NME7: variants seen among roughly 807,000 people sequenced by gnomAD.
NME7 encodes nucleoside diphosphate kinase 7.
A neutral mutation model predicts 49.1 loss-of-function variants in NME7; 41 were observed. That is an observed-to-expected ratio of 0.83 (90% confidence interval 0.65 to 1.08). The LOEUF is 1.08. Among genes scored for constraint, NME7 ranks in the 50% least tolerant of loss-of-function variants. The pLI is 0.00. For synonymous variants in NME7, 139 were observed against 150.6 expected, an observed-to-expected ratio of 0.92 and a Z score of 0.56; for missense variants, 423 against 463.4, an observed-to-expected ratio of 0.91 and a Z score of 0.80.
chr1:169,296,745 T>A (rs1650723789), intron 6 of NME7, among the ~76,000 whole-genome samples: 1 of 140,144 alleles, frequency 7.1e-6, no homozygotes, highest in East Asian at 1.9e-4. Flanking sequence ...ATCCTTCTGA[T>A]AATCAGGCTA....
chr1:169,151,194 G>A (rs1027531763), intron 11 of NME7, among the ~76,000 whole-genome samples: 6 of 152,142 alleles, frequency 3.9e-5, no homozygotes, highest in Non-Finnish European at 7.3e-5. Flanking sequence ...TGCTCTAGGC[G>A]GGAAGGCAGA....
intron 7 of NME7, among the ~76,000 whole-genome samples, chr1:169,281,062 G>A (rs563291367): frequency 7.9e-5 from 12 of 152,064 alleles, no homozygotes; most frequent in South Asian, 4.2e-4. Flanking sequence ...GGCCATTTTC[G>A]TGATACTGAT....
At chr1:169,258,990 G>A (rs1649074049) in intron 7 of NME7, among the ~76,000 whole-genome samples, 2 of 133,486 alleles carry the variant, frequency 1.5e-5, no homozygotes, top group South Asian at 2.3e-4. Flanking sequence ...CCATTACTGC[G>A]AGTAAGGTCT....
At chr1:169,195,989 G>T (rs1258052514) in intron 10 of NME7, among the ~76,000 whole-genome samples, 3 of 152,152 alleles carry the variant, frequency 2.0e-5, no homozygotes, top group Non-Finnish European at 4.4e-5. Flanking sequence ...ATAAATGTGG[G>T]TGGGAAAAGG....
intron 1 of NME7, among the ~76,000 whole-genome samples, chr1:169,336,649 G>C (rs892033659): frequency 6.6e-6 from 1 of 151,342 alleles, no homozygotes; most frequent in African/African-American, 2.4e-5. Flanking sequence ...TAGATACAGA[G>C]TGCCGACTGG....
intron 10 of NME7, among the ~76,000 whole-genome samples, chr1:169,175,409 A>G (rs1659723277): frequency 4.6e-5 from 7 of 152,204 alleles, no homozygotes; most frequent in Admixed American, 4.6e-4. Flanking sequence ...TAAAAAGTAT[A>G]GTAAATATGT....
At chr1:169,160,715 T>C (rs552736665) in intron 11 of NME7, among the ~76,000 whole-genome samples, 1 of 152,212 alleles carries the variant, frequency 6.6e-6, no homozygotes, top group African/African-American at 2.4e-5. Context: ...ATTAAACTTA[T>C]GAAAAAACTT....
chr1:169,355,072 GATATAATATATAA>G lies in NME7; in HGVS notation c.3+12623_3+12635del, dbSNP rs1557837312. 2.3e-4 allele frequency among the ~76,000 whole-genome samples: 12 copies of G among 52,682 alleles called. 1 individual carries two copies. The highest frequency in any genetic ancestry group is 9.4e-4 in the African/African-American group (12 of 12,814). 34.6% of individuals were successfully genotyped at this position (52,682 alleles called of 152,430 possible). ...AATATATAATATACTATATATTATA[GATATAATATATAA>G]TATACTATATATTATAGATATAATA... On this transcript the variant is annotated intron_variant, in intron 1 of 11. Transcript: ENST00000367811.
intron 11 of NME7, among the ~76,000 whole-genome samples, chr1:169,160,033 T>A (rs12744341): frequency 5.3e-5 from 8 of 152,044 alleles, no homozygotes; most frequent in African/African-American, 1.7e-4. Context: ...CACTCCACAC[T>A]GGCTACCTCC....
intron 1 of NME7, among the ~76,000 whole-genome samples, chr1:169,338,026 G>C (rs945930749): frequency 1.3e-5 from 2 of 152,130 alleles, no homozygotes; most frequent in African/African-American, 4.8e-5. Context: ...GGGTCTTCAC[G>C]TGTGAAGAAT....
chr1:169,324,510 A>C lies in NME7; in HGVS notation c.4-10T>G. 6.5e-7 allele frequency: 1 copy of C among 1,535,820 alleles called. No homozygotes were observed. Among genetic ancestry groups the C allele is most frequent in the Non-Finnish European group, 9.0e-7 (1 of 1,110,208 alleles). On this transcript the variant is annotated splice_polypyrimidine_tract_variant and intron_variant, in intron 1 of 11. Coordinates refer to ENST00000367811, the MANE Select transcript of NME7 (RefSeq NM_013330.5). The stretch of plus-strand genomic sequence containing the variant: ...ATCTTTCACTATGATTCTGCAAAGA[A>C]AGACAGAAGAATTTTAACACTAACA...
chr1:169,333,702 C>T (rs566687235), intron 1 of NME7, among the ~76,000 whole-genome samples: 40 of 152,156 alleles, frequency 2.6e-4, no homozygotes, highest in African/African-American at 5.3e-4. Flanking sequence ...GAGGTGAACC[C>T]AGGCAGCTTG....
In NME7 at chr1:169,258,399, T is replaced by TACACAC. The variant is rs1432435705; in HGVS notation, c.755-20713_755-20712insGTGTGT. On this transcript the variant is annotated intron_variant, in intron 7 of 11. Transcript: ENST00000367811. The stretch of plus-strand genomic sequence containing the variant: ...ACATATATATATATATATATATATA[T>TACACAC]ATATATACACACACACACACACACA... 2.9e-3 allele frequency among the ~76,000 whole-genome samples: 201 copies of TACACAC among 68,590 alleles called. 6 individuals are homozygous for TACACAC. Among genetic ancestry groups the TACACAC allele is most frequent in the African/African-American group, 0.011 (194 of 18,396 alleles). The allele number at this position is 68,590 out of a possible 152,430, so 45.0% of individuals were successfully genotyped here.
chr1:169,307,638 T>C (rs1401217169), intron 4 of NME7, among the ~76,000 whole-genome samples: 1 of 152,174 alleles, frequency 6.6e-6, no homozygotes, highest in Non-Finnish European at 1.5e-5. Context: ...CACAGGAAGT[T>C]AGATACCAAG....
intron 1 of NME7, among the ~76,000 whole-genome samples, chr1:169,347,499 G>A (rs1303438113): frequency 6.6e-6 from 1 of 152,140 alleles, no homozygotes; most frequent in Non-Finnish European, 1.5e-5. Context: ...CAGTGGGATG[G>A]CATCCTGTGG....
intron 4 of NME7, 123 bp from the exon 5 acceptor site, chr1:169,303,318 T>C (rs886473141): frequency 4.8e-6 from 2 of 420,414 alleles, no homozygotes; most frequent in Non-Finnish European, 8.2e-6. Flanking sequence ...TTTTAATTAA[T>C]AATTTTTCAC....
At chr1:169,354,792 C>T (rs1205434672) in intron 1 of NME7, among the ~76,000 whole-genome samples, 2 of 131,826 alleles carry the variant, frequency 1.5e-5, no homozygotes, top group Non-Finnish European at 3.1e-5. Context: ...TGTGTGTGCA[C>T]ATATCTATTA....
chr1:169,236,963 A>G (rs1019130900), intron 8 of NME7, among the ~76,000 whole-genome samples: 2 of 152,128 alleles, frequency 1.3e-5, no homozygotes, highest in Non-Finnish European at 2.9e-5. Flanking sequence ...TCTGATTTAT[A>G]TAATAATCTG....
rs556754162 is a variant in NME7 at position 169,273,363 on chromosome 1, T to A, written c.754+13940A>T. Among the ~76,000 whole-genome samples, 84 of 133,140 alleles carry A rather than the reference T, an allele frequency of 6.3e-4. 9 individuals are homozygous for A. Among genetic ancestry groups the A allele is most frequent in the African/African-American group, 2.1e-3 (83 of 39,370 alleles). 87.3% of individuals were successfully genotyped at this position (133,140 alleles called of 152,430 possible). Reference sequence around the variant, plus strand: ...CTGAGAATGACAGTTTCCAGCTTCATCCATGTCCAATCAAAGGAAATGAAG... The same window carrying A: ...CTGAGAATGACAGTTTCCAGCTTCAACCATGTCCAATCAAAGGAAATGAAG... On this transcript the variant is annotated intron_variant, in intron 7 of 11. Transcript: ENST00000367811.
Sources: allele counts gnomAD v4.1 joint callset (sites outside exome capture counted in the v4.1 genomes callset), GRCh38; gene constraint gnomAD v4.1.1; transcripts MANE v1.5; gene names NCBI Gene and HGNC (gene_info 2026-07-23, HGNC 2026-07-21).